The following RAPGEF1 variants were observed in gnomAD, a reference collection of about 807,000 sequenced individuals.
RAPGEF1 encodes Rap guanine nucleotide exchange factor 1.
Under a neutral mutation model 143.3 loss-of-function variants are expected in RAPGEF1, and 33 were observed. The observed-to-expected ratio is 0.23, with a 90% CI of 0.17 to 0.31. The LOEUF (loss-of-function observed/expected upper bound fraction) is 0.31. Ranked by LOEUF, RAPGEF1 falls within the 10% of genes least tolerant of loss-of-function variation. The pLI, the probability that RAPGEF1 is intolerant of heterozygous loss-of-function variation, is 1.00. For missense variants in RAPGEF1, 1,199 were observed against 1,645.4 expected (o/e 0.73, Z 4.69); for synonymous variants, 629 against 676.5 (o/e 0.93, Z 1.09).
chr9:131,654,244 A>C (rs549650459), intron 1 of RAPGEF1, among the ~76,000 whole-genome samples: 1 of 152,210 alleles, frequency 6.6e-6, no homozygotes, highest in African/African-American at 2.4e-5. Context: ...TAGAAAAAAA[A>C]AAGAACTGTA....
Position 131,586,386 on chromosome 9 carries a change from CGAGA to C in RAPGEF1, c.3233+1346_3233+1349del, listed in dbSNP as rs1564453240. ...CACACACACACACCCACCTGCAGAG[CGAGA>C]CTCCGTCTCAAACACACACACACAC... is the stretch of plus-strand genomic sequence containing the variant. On this transcript the variant is annotated intron_variant, in intron 22 of 26. Transcript: ENST00000683357. 1.4e-4 allele frequency among the ~76,000 whole-genome samples: 12 copies of C among 83,258 alleles called. 1 individual carries two copies. The highest frequency in any genetic ancestry group is 1.8e-4 in the Non-Finnish European group (8 of 45,110). 54.6% of individuals were successfully genotyped at this position (83,258 alleles called of 152,430 possible).
At chr9:131,580,552 G>A (rs1195015126) in intron 25 of RAPGEF1, among the ~76,000 whole-genome samples, 161 bp from the exon 26 acceptor site, 2 of 152,162 alleles carry the variant, frequency 1.3e-5, no homozygotes, top group African/African-American at 4.8e-5. Context: ...ACAAACTCCC[G>A]CCTCAGCCTC....
At chr9:131,713,331 G>A (rs1835642359) in intron 1 of RAPGEF1, among the ~76,000 whole-genome samples, 1 of 152,128 alleles carries the variant, frequency 6.6e-6, no homozygotes, top group Non-Finnish European at 1.5e-5. Flanking sequence ...CTGCTCCAGC[G>A]ACTCCCTTCC....
Position 131,578,631 on chromosome 9 carries a change from C to T in RAPGEF1, c.*866G>A, listed in dbSNP as rs1303414563. 6.6e-6 allele frequency: 1 copy of T among 152,330 alleles called. No homozygotes were observed. The highest frequency in any genetic ancestry group is 6.5e-5 in the Admixed American group (1 of 15,288). 9.4% of individuals were successfully genotyped at this position (152,330 alleles called of 1,614,324 possible). A position where few individuals can be genotyped will look rare whatever the true frequency, so the allele number is the denominator to read the frequency against. ...CTGGCCTCTCCCCTCTGAATTAACT[C>T]CCCCAGGAGCTCAGCTCTGGCCTCA... is the stretch of plus-strand genomic sequence containing the variant. On this transcript the variant is annotated 3_prime_UTR_variant, in exon 27 of 27. Coordinates refer to ENST00000683357, the MANE Select transcript of RAPGEF1 (RefSeq NM_001377935.1).
chr9:131,704,707 T>C (rs1834918938), intron 1 of RAPGEF1, among the ~76,000 whole-genome samples: 2 of 151,156 alleles, frequency 1.3e-5, no homozygotes, highest in Admixed American at 6.6e-5. Flanking sequence ...AAATGAACAC[T>C]GTAAGCAACT....
At chr9:131,738,964 C>T (rs1254208801) in intron 1 of RAPGEF1, among the ~76,000 whole-genome samples, 2 of 152,204 alleles carry the variant, frequency 1.3e-5, no homozygotes, top group Non-Finnish European at 2.9e-5. Context: ...GCTCCCAGTA[C>T]AGGAGCCCAG....
At chr9:131,642,061 GA>G (rs960303781) in intron 4 of RAPGEF1, among the ~76,000 whole-genome samples, 1 of 152,202 alleles carries the variant, frequency 6.6e-6, no homozygotes, top group African/African-American at 2.4e-5. Context: ...TACCATGGAA[GA>G]AAAACAAAAC....
intron 5 of RAPGEF1, among the ~76,000 whole-genome samples, chr9:131,636,399 C>T (rs981499093): frequency 2.6e-5 from 4 of 152,204 alleles, no homozygotes; most frequent in African/African-American, 9.7e-5. Flanking sequence ...CTGACATTGA[C>T]AAGTTCATAA....
At chr9:131,668,852 G>A (rs1348489375) in intron 1 of RAPGEF1, among the ~76,000 whole-genome samples, 1 of 152,236 alleles carries the variant, frequency 6.6e-6, no homozygotes, top group Non-Finnish European at 1.5e-5. Flanking sequence ...CTCATCATCT[G>A]GAGGCAGAGC....
chr9:131,613,164 G>A lies in RAPGEF1; in HGVS notation c.2061+5887C>T, dbSNP rs572237235. Among the ~76,000 whole-genome samples, 6 of 152,350 alleles carry A rather than the reference G, an allele frequency of 3.9e-5. No individual in the cohort carries two copies. The East Asian group carries it at 1.2e-3, about 29-fold the overall frequency. On this transcript the variant is annotated intron_variant, in intron 12 of 26. Transcript: ENST00000683357. ...CTTTTCATCCTTGTAACAACCTTGT[G>A]CTCCCACTGCACAGAGGAAAGCGGG...
rs1378383258 is a variant in RAPGEF1, at chr9:131,737,837, C to A, written c.61+1933G>T. Among the ~76,000 whole-genome samples, 4 of 151,942 alleles carry A rather than the reference C, an allele frequency of 2.6e-5. No individual in the cohort carries two copies. In the East Asian group the frequency reaches 5.8e-4, roughly 22 times the overall value. On this transcript the variant is annotated intron_variant, in intron 1 of 26. Transcript: ENST00000683357. Reference sequence around the variant, plus strand: ...AAAATTTGCCAGGCGTGGTGGCAGGCGCCTGCAGTCCCAGCTACTCGGGAG... The same window carrying A: ...AAAATTTGCCAGGCGTGGTGGCAGGAGCCTGCAGTCCCAGCTACTCGGGAG...
At chr9:131,719,890 T>TC (rs1564200716) in intron 1 of RAPGEF1, among the ~76,000 whole-genome samples, 16 of 149,838 alleles carry the variant, frequency 1.1e-4, no homozygotes, top group South Asian at 4.2e-4. Flanking sequence ...TTCTTTCTTT[T>TC]TTTTTTTTTT....
chr9:131,674,911 A>G (rs1832045673), intron 1 of RAPGEF1, among the ~76,000 whole-genome samples: 2 of 152,014 alleles, frequency 1.3e-5, no homozygotes, highest in Non-Finnish European at 2.9e-5. Flanking sequence ...ACCCCTAACC[A>G]AGTCTGGAGA....
intron 1 of RAPGEF1, among the ~76,000 whole-genome samples, chr9:131,670,465 G>A (rs934915107): frequency 2.6e-5 from 4 of 152,146 alleles, no homozygotes; most frequent in Non-Finnish European, 5.9e-5. Flanking sequence ...TATTAAGTGT[G>A]TTCACAACCT....
At chr9:131,671,973 G>C (rs1427543571) in intron 1 of RAPGEF1, among the ~76,000 whole-genome samples, 1 of 152,198 alleles carries the variant, frequency 6.6e-6, no homozygotes, top group African/African-American at 2.4e-5. Context: ...CAACCAACTT[G>C]AAACATGTGA....
intron 17 of RAPGEF1, among the ~76,000 whole-genome samples, chr9:131,592,624 G>A (rs1954522133): frequency 6.6e-6 from 1 of 152,166 alleles, no homozygotes; most frequent in South Asian, 2.1e-4. Flanking sequence ...GAGAGGCTCT[G>A]CCTGTCCTAA....
chr9:131,738,986 C>T (rs1038044433), intron 1 of RAPGEF1, among the ~76,000 whole-genome samples: 2 of 152,188 alleles, frequency 1.3e-5, no homozygotes, highest in African/African-American at 4.8e-5. Flanking sequence ...AGCACCCGCC[C>T]ACTTCACCTT....
chr9:131,585,363 G>GCT (rs1554800923), intron 22 of RAPGEF1, among the ~76,000 whole-genome samples: 2 of 54,704 alleles, frequency 3.7e-5, no homozygotes, highest in African/African-American at 1.1e-4. Context: ...ATTTTTTGTA[G>GCT]GGGGGGGGCG....
intron 12 of RAPGEF1, among the ~76,000 whole-genome samples, chr9:131,618,539 C>T (rs1307650372): frequency 6.6e-6 from 1 of 152,200 alleles, no homozygotes; most frequent in Non-Finnish European, 1.5e-5. Flanking sequence ...TGGCTTTCTA[C>T]GTGAGGAATA....
Sources: gnomAD v4.1 joint callset for allele counts (sites outside exome capture counted in the v4.1 genomes callset) on GRCh38, gnomAD v4.1.1 for gene constraint, MANE v1.5 for transcripts, NCBI Gene and HGNC (gene_info 2026-07-23, HGNC 2026-07-21) for gene names.